The following TASP1 variants were observed in gnomAD, a reference collection of about 807,000 sequenced individuals.
The protein encoded by TASP1 is threonine aspartase 1.
In TASP1, 16 loss-of-function variants were observed where a neutral mutation model predicts 56.6. The ratio of observed to expected loss-of-function variants is 0.28; its 90% CI spans 0.19 to 0.43. The LOEUF (loss-of-function observed/expected upper bound fraction) is 0.43. TASP1 is among the 20% of genes least tolerant of loss of function. The probability of loss-of-function intolerance (pLI) is 1.00; values close to 1 mark genes in which losing one functional copy is unlikely to be tolerated. For missense variants in TASP1, 393 were observed against 511.6 expected, an observed-to-expected ratio of 0.77 and a Z score of 2.24; for synonymous variants, 179 against 184.2, an observed-to-expected ratio of 0.97 and a Z score of 0.23.
At chr20:13,470,252 T>C (rs2044437605) in intron 11 of TASP1, among the ~76,000 whole-genome samples, 1 of 152,020 alleles carries the variant, frequency 6.6e-6, no homozygotes, top group Non-Finnish European at 1.5e-5. Context: ...TAAGCCTCAA[T>C]TTAAAAAGGG....
the TASP1 span, among the ~76,000 whole-genome samples, chr20:13,123,260 G>A: frequency 3.3e-5 from 5 of 151,868 alleles, no homozygotes; most frequent in Non-Finnish European, 7.4e-5. Flanking sequence ...GAGCCCAGGA[G>A]ACGAAGGTTG....
the TASP1 span, among the ~76,000 whole-genome samples, chr20:13,305,009 C>T: frequency 6.6e-6 from 1 of 151,982 alleles, no homozygotes; most frequent in African/African-American, 2.4e-5. Flanking sequence ...TTATTAAGTG[C>T]TATTCAAATA....
the TASP1 span, chr20:13,159,876 CTTA>C: frequency 2.4e-5 from 31 of 1,284,414 alleles, no homozygotes; most frequent in African/African-American, 4.2e-4. Flanking sequence ...TCATCTTCCA[CTTA>C]TTATCATAAA....
At chr20:13,413,531 T>A (rs962474165) in intron 13 of TASP1, among the ~76,000 whole-genome samples, 1 of 152,164 alleles carries the variant, frequency 6.6e-6, no homozygotes, top group Middle Eastern at 3.2e-3. Context: ...GGATGTGTTA[T>A]CTGAATTTTG....
chr20:13,154,233 GGTGA>G, the TASP1 span: 2 of 1,492,020 alleles, frequency 1.3e-6, no homozygotes, highest in Non-Finnish European at 1.8e-6. Context: ...TCTGGAATGG[GGTGA>G]GTGAGTTCAG....
chr20:13,147,764 AG>A, the TASP1 span, among the ~76,000 whole-genome samples: 2 of 152,220 alleles, frequency 1.3e-5, no homozygotes, highest in Non-Finnish European at 2.9e-5. Flanking sequence ...AGCATGTATG[AG>A]GTCATGCAGT....
At chr20:13,387,200 T>C (rs2041170403), downstream of TASP1, among the ~76,000 whole-genome samples, 1 of 142,338 alleles carries the variant, frequency 7.0e-6, no homozygotes, top group Non-Finnish European at 1.5e-5. Flanking sequence ...TTTTTTTTTT[T>C]TTTTTTTTTT....
At chr20:13,537,175 A>G (rs2045449739) in intron 8 of TASP1, among the ~76,000 whole-genome samples, 1 of 152,190 alleles carries the variant, frequency 6.6e-6, no homozygotes, top group Non-Finnish European at 1.5e-5. Flanking sequence ...ATACCTAACC[A>G]AACTCCTGTA....
At chr20:13,351,126 A>G in the TASP1 span, among the ~76,000 whole-genome samples, 74 of 152,358 alleles carry the variant, frequency 4.9e-4, no homozygotes, top group African/African-American at 1.7e-3. Flanking sequence ...TAAGTCCACA[A>G]TAAGATACCA....
At chr20:13,520,816 T>C (rs1038685913) in intron 10 of TASP1, among the ~76,000 whole-genome samples, 2 of 152,154 alleles carry the variant, frequency 1.3e-5, no homozygotes. Flanking sequence ...CAAAAGAAAC[T>C]ACTATCAGAG....
chr20:13,513,047 C>A (rs1192545593), intron 10 of TASP1, among the ~76,000 whole-genome samples: 2 of 152,150 alleles, frequency 1.3e-5, no homozygotes, highest in Admixed American at 1.3e-4. Flanking sequence ...ATGCCTCCAG[C>A]TTTGTTCTTT....
At chr20:13,624,982 G>C (rs1037764736) in intron 3 of TASP1, among the ~76,000 whole-genome samples, 2 of 152,142 alleles carry the variant, frequency 1.3e-5, no homozygotes, top group Non-Finnish European at 2.9e-5. Context: ...CTTTAATCTG[G>C]GAAAGTGGGG....
At chr20:13,421,812 T>C (rs527254307) in intron 12 of TASP1, among the ~76,000 whole-genome samples, 2 of 152,266 alleles carry the variant, frequency 1.3e-5, no homozygotes, top group East Asian at 3.9e-4. Context: ...TGCTCTGTAA[T>C]GCTGATGAAC....
chr20:13,508,926 T>C (rs577336271), intron 10 of TASP1, among the ~76,000 whole-genome samples: 1 of 152,280 alleles, frequency 6.6e-6, no homozygotes, highest in African/African-American at 2.4e-5. Context: ...GAAAACAACA[T>C]GGAGGTTCCT....
At chr20:13,106,597 TC>T in the TASP1 span, among the ~76,000 whole-genome samples, 4 of 152,088 alleles carry the variant, frequency 2.6e-5, no homozygotes, top group Non-Finnish European at 5.9e-5. Flanking sequence ...AGAGGCTATA[TC>T]AGGAAGGGCC....
At chr20:13,162,197 G>A in the TASP1 span, among the ~76,000 whole-genome samples, 1 of 152,310 alleles carries the variant, frequency 6.6e-6, no homozygotes, top group Admixed American at 6.5e-5. Context: ...TACACATTAA[G>A]GGAAGAAGAC....
chr20:13,169,852 A>C, the TASP1 span, among the ~76,000 whole-genome samples: 1 of 152,304 alleles, frequency 6.6e-6, no homozygotes, highest in East Asian at 1.9e-4. Context: ...TTTGAAGCAC[A>C]TCCCAGAAAT....
At chr20:13,633,982 C>T (rs2049194253) in intron 1 of TASP1, among the ~76,000 whole-genome samples, 1 of 152,186 alleles carries the variant, frequency 6.6e-6, no homozygotes, top group South Asian at 2.1e-4. Flanking sequence ...TGTCTATCCT[C>T]TGCAACTGTT....
the TASP1 span, among the ~76,000 whole-genome samples, chr20:13,324,328 T>C: frequency 1.3e-5 from 2 of 152,194 alleles, no homozygotes; most frequent in Non-Finnish European, 2.9e-5. Context: ...AACAATTGCC[T>C]TGCTAGCTGC....
Sources: gnomAD v4.1 joint callset for allele counts (sites outside exome capture counted in the v4.1 genomes callset) on GRCh38, gnomAD v4.1.1 for gene constraint, MANE v1.5 for transcripts, NCBI Gene and HGNC (gene_info 2026-07-23, HGNC 2026-07-21) for gene names.